RGSL1: variants seen among roughly 807,000 people sequenced by gnomAD.
The protein encoded by RGSL1 is regulator of G protein signaling like 1, also known as regulator of G protein signaling protein-like.
RGSL1 carries 97 observed loss-of-function variants against 124.7 expected under a neutral mutation model. That is an observed-to-expected ratio of 0.78 (90% CI 0.66 to 0.92). The LOEUF (loss-of-function observed/expected upper bound fraction) is 0.92, where lower values mean the gene tolerates loss of function less well. Among genes scored for constraint, RGSL1 ranks in the 40% least tolerant of loss-of-function variants. The pLI is 0.00. For missense variants in RGSL1, 1,233 were observed against 1,288.4 expected (o/e 0.96, Z 0.66); for synonymous variants, 424 against 438.1 (o/e 0.97, Z 0.40).
chr1:182,521,540 G>C (rs1329712170), intron 9 of RGSL1, among the ~76,000 whole-genome samples: 1 of 152,166 alleles, frequency 6.6e-6, no homozygotes, highest in East Asian at 1.9e-4. Context: ...AGAAGATGGA[G>C]GGAACTCTTA....
chr1:182,451,313 G>A (rs267866), intron 1 of RGSL1, among the ~76,000 whole-genome samples: 104,943 of 125,960 alleles, frequency 0.83, 43,843 homozygotes, highest in Middle Eastern at 0.93. Flanking sequence ...CAGATATATC[G>A]ATGGATAAAA....
At chr1:182,471,300 A>G (rs1653816752) in intron 4 of RGSL1, 1 of 457,506 alleles carries the variant, frequency 2.2e-6, no homozygotes, top group East Asian at 7.0e-5. Flanking sequence ...ATGAGATGGA[A>G]AAAGGCAGAC....
chr1:182,532,756 A>G lies in RGSL1; in HGVS notation c.2459A>G (p.Asp820Gly), dbSNP rs768965905. ...CCTAGTAAGCGCCAGGAATTTGAAGACTATCTTCACCAGGAAATGCAAAAT... is the reference window on the plus strand; with the variant it reads ...CCTAGTAAGCGCCAGGAATTTGAAGGCTATCTTCACCAGGAAATGCAAAAT... ...LNPSKRQEFE[D>G]YLHQEMQNSK... Residue 820 changes from aspartate (D) to glycine (G), a missense_variant, in exon 14 of 22, where the codon GAC becomes GGC. Coordinates refer to ENST00000294854, the MANE Select transcript of RGSL1 (RefSeq NM_001137669.2). 5.2e-6 allele frequency: 8 copies of G among 1,550,858 alleles called. No homozygotes were observed. The Middle Eastern group carries it at 6.7e-4, about 130-fold the overall frequency.
chr1:182,519,276 C>T (rs779844675), intron 9 of RGSL1, among the ~76,000 whole-genome samples: 5 of 151,960 alleles, frequency 3.3e-5, no homozygotes, highest in Admixed American at 6.6e-5. Flanking sequence ...TAAAGAATGC[C>T]CTTTGATATT....
Position 182,489,184 on chromosome 1 carries a change from T to C in RGSL1, c.1699T>C (p.Ser567Pro). Residue 567 changes from serine to proline, a missense_variant, in exon 8 of 22, where the codon TCT becomes CCT. Transcript: ENST00000294854. ...QGGSLQVELT[S>P]PVFLTDITKM... ...AGGCTCTCTCCAGGTAGAGCTGACA[T>C]CTCCAGTGTTTCTAACAGGTCAGAG... 1.9e-6 allele frequency: 3 copies of C among 1,551,734 alleles called. No individual in the cohort carries two copies. The highest frequency in any genetic ancestry group is 2.6e-6 in the Non-Finnish European group (3 of 1,147,000).
intron 4 of RGSL1, among the ~76,000 whole-genome samples, chr1:182,464,766 A>G (rs1329020511): frequency 6.6e-6 from 1 of 151,678 alleles, no homozygotes; most frequent in East Asian, 1.9e-4. Flanking sequence ...AGACTTAATA[A>G]TTACTAAAAA....
intron 4 of RGSL1, among the ~76,000 whole-genome samples, chr1:182,467,731 C>A (rs1158883636): frequency 2.0e-5 from 3 of 152,090 alleles, no homozygotes; most frequent in Admixed American, 6.6e-5. Context: ...TCTAAAACAC[C>A]AAAAGCAATG....
At chr1:182,488,377 C>T (rs868581271) in intron 7 of RGSL1, 30 bp downstream of exon 7, 2 of 1,520,936 alleles carry the variant, frequency 1.3e-6, no homozygotes, top group African/African-American at 2.8e-5. Context: ...AGGAAGGAAT[C>T]ATGAGGATGA....
At chr1:182,495,196 A>T (rs1423309092) in intron 9 of RGSL1, among the ~76,000 whole-genome samples, 1 of 152,164 alleles carries the variant, frequency 6.6e-6, no homozygotes, top group African/African-American at 2.4e-5. Flanking sequence ...TGGCACTCAA[A>T]CATGGGGCAC....
intron 9 of RGSL1, among the ~76,000 whole-genome samples, chr1:182,509,289 G>A (rs1338223386): frequency 4.8e-5 from 2 of 41,416 alleles, no homozygotes; most frequent in East Asian, 4.1e-4. Context: ...CTCACCTCCC[G>A]GACGGGGCGG....
intron 1 of RGSL1, among the ~76,000 whole-genome samples, 195 bp from the exon 2 acceptor site, chr1:182,453,763 G>A (rs778675109): frequency 9.2e-5 from 14 of 152,138 alleles, no homozygotes; most frequent in Non-Finnish European, 1.6e-4. Flanking sequence ...CCCCACAGCT[G>A]GGAGTGTTTA....
At chr1:182,509,196 G>A (rs1657099435) in intron 9 of RGSL1, among the ~76,000 whole-genome samples, 3 of 71,264 alleles carry the variant, frequency 4.2e-5, no homozygotes, top group Admixed American at 3.6e-4. Flanking sequence ...TCAATGAGCT[G>A]TTGGGCACAC....
Position 182,488,970 on chromosome 1 carries a change from C to G in RGSL1, c.1495-10C>G. 6.5e-7 allele frequency: 1 copy of G among 1,547,596 alleles called. No homozygotes were observed. ...ACAAATGCCATCTTCCCCTCACCCT[C>G]TTCTCTTAGACACAGAACAGGTTCA... On this transcript the variant is annotated splice_polypyrimidine_tract_variant and intron_variant, in intron 7 of 21. Coordinates refer to ENST00000294854, the MANE Select transcript of RGSL1 (RefSeq NM_001137669.2).
At chr1:182,480,774 C>A (rs2102062859) in intron 6 of RGSL1, among the ~76,000 whole-genome samples, 1 of 151,852 alleles carries the variant, frequency 6.6e-6, no homozygotes, top group African/African-American at 2.4e-5. Flanking sequence ...TTTTTTTTAT[C>A]AAGTGCAATG....
chr1:182,511,202 G>A (rs1657425271), intron 9 of RGSL1, among the ~76,000 whole-genome samples: 3 of 152,036 alleles, frequency 2.0e-5, no homozygotes, highest in South Asian at 2.1e-4. Flanking sequence ...ATTTGCTCTC[G>A]TTGCCCAGGC....
At position 182,509,672 on chromosome 1, in the gene RGSL1, AC is replaced by A. The variant is rs1248167549; in HGVS notation, c.1826-12326del. 6.0e-5 allele frequency among the ~76,000 whole-genome samples: 5 copies of A among 83,318 alleles called. No homozygotes were observed. In the East Asian group the frequency reaches 1.2e-3, roughly 20 times the overall value. The allele number at this position is 83,318 out of a possible 152,430, so 54.7% of individuals were successfully genotyped here. ...GGCGGCTGGCCGGGCGGGGGGCTGA[AC>A]CCCCCACCTCCCTCCCGGACGGCAC... On this transcript the variant is annotated intron_variant, in intron 9 of 21. Coordinates refer to ENST00000294854, the MANE Select transcript of RGSL1 (RefSeq NM_001137669.2).
chr1:182,456,322 AT>A (rs577653515), intron 2 of RGSL1, among the ~76,000 whole-genome samples: 1,545 of 146,512 alleles, frequency 0.011, 11 homozygotes, highest in Non-Finnish European at 0.018. Context: ...TTTGAGACAG[AT>A]TTTGCTCTTG....
chr1:182,554,507 C>A, intron 19 of RGSL1, 120 bp from the exon 20 acceptor site: 1 of 778,216 alleles, frequency 1.3e-6, no homozygotes, highest in Non-Finnish European at 2.2e-6. Context: ...CACTTTCCAA[C>A]CCCTACATTG....
chr1:182,526,146 C>T (rs1356391298), intron 10 of RGSL1, among the ~76,000 whole-genome samples: 1 of 152,146 alleles, frequency 6.6e-6, no homozygotes, highest in Non-Finnish European at 1.5e-5. Context: ...CTGGAGAATT[C>T]TATGAAATAT....
Sources: gnomAD v4.1 joint callset for allele counts (sites outside exome capture counted in the v4.1 genomes callset) on GRCh38, gnomAD v4.1.1 for gene constraint, MANE v1.5 for transcripts, NCBI Gene and HGNC (gene_info 2026-07-23, HGNC 2026-07-21) for gene names.